Variants in PCDHGB2 observed in about 807,000 individuals in gnomAD.
PCDHGB2 encodes the protein protocadherin gamma subfamily B, 2, also known as protocadherin gamma-B2.
PCDHGB2 carries 55 observed loss-of-function variants against 59.3 expected under a neutral mutation model. The ratio of observed to expected loss-of-function variants is 0.93; its 90% confidence interval spans 0.75 to 1.16. The LOEUF (loss-of-function observed/expected upper bound fraction) is 1.16, where lower values mean the gene tolerates loss of function less well. PCDHGB2 is among the 50% of genes most tolerant of loss of function. PCDHGB2 has a pLI of 0.00. For synonymous variants in PCDHGB2, 516 were observed against 512.0 expected (o/e 1.01, Z -0.11); for missense variants, 1,228 against 1,198.5 (o/e 1.02, Z -0.36).
chr5:141,405,540 C>A (rs2094682922), intron 1 of PCDHGB2: 1 of 641,202 alleles, frequency 1.6e-6, no homozygotes, highest in African/African-American at 1.8e-5. Context: ...CTGCCTCAGC[C>A]TCCCAAGTAG....
At chr5:141,445,751 G>A (rs1211416281) in intron 1 of PCDHGB2, among the ~76,000 whole-genome samples, 1 of 152,102 alleles carries the variant, frequency 6.6e-6, no homozygotes, top group East Asian at 1.9e-4. Context: ...AAAAATAAAA[G>A]GTGTGACTCA....
intron 1 of PCDHGB2, among the ~76,000 whole-genome samples, chr5:141,368,581 G>A (rs1407306401): frequency 6.6e-6 from 1 of 152,066 alleles, no homozygotes; most frequent in Non-Finnish European, 1.5e-5. Flanking sequence ...TTAGGGTAAG[G>A]TGTTTGGGAA....
chr5:141,419,589 C>T (rs1187251820), intron 1 of PCDHGB2: 1 of 1,611,856 alleles, frequency 6.2e-7, no homozygotes, highest in Non-Finnish European at 8.5e-7. Flanking sequence ...CTCTTCGACA[C>T]AGTGCCGCGG....
At chr5:141,409,052 A>C in intron 1 of PCDHGB2, 2 of 1,614,050 alleles carry the variant, frequency 1.2e-6, no homozygotes, top group African/African-American at 1.3e-5. Context: ...CTTCCGAAGC[A>C]CTGCCCAGAG....
chr5:141,383,186 G>A (rs760844021), intron 1 of PCDHGB2: 4 of 1,614,100 alleles, frequency 2.5e-6, no homozygotes, highest in Non-Finnish European at 3.4e-6. Flanking sequence ...GAAGAGATCT[G>A]CGCTCAGAGT....
chr5:141,410,158 G>A (rs755466762), intron 1 of PCDHGB2: 1 of 1,613,398 alleles, frequency 6.2e-7, no homozygotes, highest in Admixed American at 1.7e-5. Flanking sequence ...GTGGACAGCC[G>A]CCACTCTCTG....
intron 1 of PCDHGB2, chr5:141,413,826 C>G (rs1363449): frequency 6.2e-7 from 1 of 1,613,180 alleles, no homozygotes; most frequent in Non-Finnish European, 8.5e-7. Flanking sequence ...TGGTCCTCAC[C>G]GCCTCCGACG....
In PCDHGB2 at chr5:141,404,772, G is replaced by A. The variant is rs764262966; in HGVS notation, c.2421+42216G>A. On this transcript the variant is annotated intron_variant, in intron 1 of 3. Transcript: ENST00000522605. ...GGCCAGAATGCTTGGCTCTCCTACC[G>A]CCTATTCAAGGCCAGTGAGCCAGGG... The A allele has an allele frequency of 9.9e-6, 16 of 1,613,820 alleles. No individual in the cohort carries two copies. The highest frequency in any genetic ancestry group is 5.0e-5 in the Admixed American group (3 of 60,000).
At chr5:141,388,270 A>G (rs1387371856) in intron 1 of PCDHGB2, 1 of 1,596,568 alleles carries the variant, frequency 6.3e-7, no homozygotes, top group Non-Finnish European at 8.5e-7. Flanking sequence ...ATTAATGACC[A>G]CACGCCAAAA....
At chr5:141,411,567 G>A (rs1390794685) in intron 1 of PCDHGB2, 1 of 152,186 alleles carries the variant, frequency 6.6e-6, no homozygotes, top group Non-Finnish European at 1.5e-5. Context: ...CTGGGCGACA[G>A]AGTGCGACCC....
At chr5:141,382,791 C>T in intron 1 of PCDHGB2, 1 of 942,536 alleles carries the variant, frequency 1.1e-6, no homozygotes, top group Non-Finnish European at 1.6e-6. Context: ...AGCCTCTATC[C>T]TGCTGGATTC....
intron 1 of PCDHGB2, chr5:141,419,926 G>C (rs1371764532): frequency 7.4e-6 from 12 of 1,613,978 alleles, no homozygotes; most frequent in Non-Finnish European, 8.5e-6. Flanking sequence ...CTGAGATGCA[G>C]TTTTACCTGG....
intron 1 of PCDHGB2, chr5:141,388,621 T>C (rs2091422595): frequency 6.2e-7 from 1 of 1,613,806 alleles, no homozygotes; most frequent in African/African-American, 1.3e-5. Context: ...AGTCAAGACG[T>C]ATACAGGGTG....
chr5:141,383,979 A>C (rs1388219452), intron 1 of PCDHGB2: 1 of 1,613,678 alleles, frequency 6.2e-7, no homozygotes, highest in Non-Finnish European at 8.5e-7. Context: ...CTGAAGACAC[A>C]CCTCTTGGGA....
chr5:141,384,601 C>G lies in PCDHGB2; in HGVS notation c.2421+22045C>G, dbSNP rs1780261198. On this transcript the variant is annotated intron_variant, in intron 1 of 3. Coordinates refer to ENST00000522605, the MANE Select transcript of PCDHGB2 (RefSeq NM_018923.3). The stretch of plus-strand genomic sequence containing the variant: ...GCCCGAGATCCTGTACCCGGCCCTC[C>G]CCACAGATGGTTCTACTGGCATGGA... The G allele has an allele frequency of 2.5e-6, 4 of 1,614,240 alleles. No homozygotes were observed. The East Asian group carries it at 8.9e-5, about 36-fold the overall frequency.
At chr5:141,392,873 G>C (rs1280602911) in intron 1 of PCDHGB2, 1 of 1,613,382 alleles carries the variant, frequency 6.2e-7, no homozygotes, top group Admixed American at 1.7e-5. Flanking sequence ...GCGCGCTGCT[G>C]GGAACGCTGT....
chr5:141,403,580 C>G, intron 1 of PCDHGB2: 1 of 1,613,942 alleles, frequency 6.2e-7, no homozygotes, highest in Non-Finnish European at 8.5e-7. Flanking sequence ...TGCCCACCAC[C>G]TGGTCCTCAC....
rs183723314 is a variant in PCDHGB2 at position 141,375,046 on chromosome 5, C to T, written c.2421+12490C>T. The T allele has an allele frequency of 2.1e-4, 333 of 1,613,912 alleles. 2 individuals are homozygous for T. The African/African-American group carries it at 4.0e-3, about 19-fold the overall frequency. The stretch of plus-strand genomic sequence containing the variant: ...GTTTTTATGAGCTGGGTGTTGAAGC[C>T]CGGGATGGGCCAGGTCTTCGAGACA... On this transcript the variant is annotated intron_variant, in intron 1 of 3. Coordinates refer to ENST00000522605, the MANE Select transcript of PCDHGB2 (RefSeq NM_018923.3).
chr5:141,442,798 A>G (rs1055527090), intron 1 of PCDHGB2, among the ~76,000 whole-genome samples: 1 of 152,256 alleles, frequency 6.6e-6, no homozygotes, highest in East Asian at 1.9e-4. Flanking sequence ...TTTTACTTTG[A>G]TATTCAAATT....
Sources: allele counts gnomAD v4.1 joint callset (sites outside exome capture counted in the v4.1 genomes callset), GRCh38; gene constraint gnomAD v4.1.1; transcripts MANE v1.5; gene names NCBI Gene and HGNC (gene_info 2026-07-23, HGNC 2026-07-21).